CCDC7: variants seen among roughly 807,000 people sequenced by gnomAD.
CCDC7 encodes the protein coiled-coil domain containing 7.
In CCDC7, 183 loss-of-function variants were observed where a neutral mutation model predicts 196.9. The ratio of observed to expected loss-of-function variants is 0.93; its 90% confidence interval spans 0.82 to 1.05. The LOEUF (loss-of-function observed/expected upper bound fraction) is 1.05, where lower values mean the gene tolerates loss of function less well. CCDC7 is among the 50% of genes least tolerant of loss of function. CCDC7 has a pLI of 0.00. For synonymous variants in CCDC7, 525 were observed against 484.6 expected (o/e 1.08, Z -1.10); for missense variants, 1,540 against 1,482.2 (o/e 1.04, Z -0.64).
chr10:32,482,399 A>C (rs1039886208), intron 8 of CCDC7, among the ~76,000 whole-genome samples: 2 of 150,470 alleles, frequency 1.3e-5, no homozygotes, highest in African/African-American at 2.4e-5. Flanking sequence ...ACTTTCTTTA[A>C]GTTTACAGAT....
At chr10:32,512,023 G>A in intron 9 of CCDC7, 1 of 378,288 alleles carries the variant, frequency 2.6e-6, no homozygotes, top group East Asian at 5.3e-5. Flanking sequence ...ATATTCTTCA[G>A]GATCTTGTCA....
intron 24 of CCDC7, among the ~76,000 whole-genome samples, chr10:32,705,919 A>C (rs1426539750): frequency 6.6e-6 from 1 of 152,188 alleles, no homozygotes; most frequent in Non-Finnish European, 1.5e-5. Context: ...ACGAGACAGA[A>C]AGTTAACAAG....
intron 20 of CCDC7, among the ~76,000 whole-genome samples, chr10:32,645,784 G>T (rs1161200476): frequency 6.6e-6 from 1 of 151,924 alleles, no homozygotes; most frequent in Non-Finnish European, 1.5e-5. Flanking sequence ...GTGTGTCCAA[G>T]AATTTATCCA....
At chr10:32,518,542 C>A in intron 11 of CCDC7, 37 bp downstream of exon 12, 3 of 1,508,964 alleles carry the variant, frequency 2.0e-6, no homozygotes, top group Non-Finnish European at 2.7e-6. Context: ...TGGCATACAC[C>A]TAATAAGGCT....
At chr10:32,620,711 T>C (rs1272101555) in intron 18 of CCDC7, among the ~76,000 whole-genome samples, 1 of 152,192 alleles carries the variant, frequency 6.6e-6, no homozygotes, top group Admixed American at 6.5e-5. Flanking sequence ...ATCCTGTGTT[T>C]AGCAGTGTCT....
intron 31 of CCDC7, among the ~76,000 whole-genome samples, chr10:32,818,511 C>A (rs1301199626): frequency 6.6e-6 from 1 of 152,142 alleles, no homozygotes; most frequent in Non-Finnish European, 1.5e-5. Context: ...ACAGAACTCT[C>A]CACCCCAAAT....
chr10:32,872,996 G>GA (rs1364700667), intron 41 of CCDC7, among the ~76,000 whole-genome samples: 1 of 152,040 alleles, frequency 6.6e-6, no homozygotes, highest in Non-Finnish European at 1.5e-5. Context: ...CAACTTTGGT[G>GA]AATCTGACAA....
intron 24 of CCDC7, among the ~76,000 whole-genome samples, chr10:32,707,413 G>C (rs1483876180): frequency 6.6e-6 from 1 of 152,164 alleles, no homozygotes; most frequent in Non-Finnish European, 1.5e-5. Flanking sequence ...ACTGGCACAA[G>C]ACAGGGATGC....
intron 5 of CCDC7, among the ~76,000 whole-genome samples, chr10:32,470,783 T>C (rs1390650211): frequency 2.0e-5 from 3 of 152,204 alleles, no homozygotes; most frequent in African/African-American, 7.2e-5. Flanking sequence ...GTTGCATTTA[T>C]TGTTATTGGA....
intron 29 of CCDC7, among the ~76,000 whole-genome samples, chr10:32,793,585 C>G (rs528221367): frequency 6.6e-6 from 1 of 152,256 alleles, no homozygotes; most frequent in Non-Finnish European, 1.5e-5. Flanking sequence ...ACCACTTTTG[C>G]TGTATCCCAT....
At chr10:32,871,724 T>A (rs1292647878) in intron 41 of CCDC7, among the ~76,000 whole-genome samples, 1 of 152,216 alleles carries the variant, frequency 6.6e-6, no homozygotes, top group Non-Finnish European at 1.5e-5. Flanking sequence ...TCCTGCTTTC[T>A]CTTGTGGGCA....
At chr10:32,532,864 G>T (rs1306359782) in intron 11 of CCDC7, among the ~76,000 whole-genome samples, 1 of 151,910 alleles carries the variant, frequency 6.6e-6, no homozygotes, top group Non-Finnish European at 1.5e-5. Flanking sequence ...TGTGTCTTTA[G>T]GGTTTCTTGG....
intron 41 of CCDC7, among the ~76,000 whole-genome samples, chr10:32,854,950 C>T (rs528821847): frequency 6.6e-6 from 1 of 152,214 alleles, no homozygotes; most frequent in Admixed American, 6.5e-5. Flanking sequence ...GAGGTTGGTG[C>T]ATTAAAGGTA....
At chr10:32,695,087 T>C in intron 24 of CCDC7, 95 bp downstream of exon 25, 1 of 527,826 alleles carries the variant, frequency 1.9e-6, no homozygotes, top group Admixed American at 3.8e-5. Context: ...GAGCATATAG[T>C]TTATGGAAAT....
intron 20 of CCDC7, among the ~76,000 whole-genome samples, chr10:32,648,382 G>T (rs1191854201): frequency 6.6e-6 from 1 of 152,156 alleles, no homozygotes; most frequent in Non-Finnish European, 1.5e-5. Flanking sequence ...GTGTTAGTTT[G>T]ATAGGTATAG....
At chr10:32,544,176 C>A in intron 12 of CCDC7, 71 bp from the exon 14 acceptor site, 3 of 1,295,934 alleles carry the variant, frequency 2.3e-6, no homozygotes, top group South Asian at 1.6e-5. Context: ...TTAAAAAGTC[C>A]TCCTCAAGAA....
intron 18 of CCDC7, among the ~76,000 whole-genome samples, chr10:32,620,570 T>A (rs1255928904): frequency 6.6e-6 from 1 of 152,148 alleles, no homozygotes; most frequent in Non-Finnish European, 1.5e-5. Flanking sequence ...AATTTTGGTA[T>A]TTTTGTGAAT....
intron 20 of CCDC7, among the ~76,000 whole-genome samples, chr10:32,657,228 A>G (rs1174179057): frequency 1.3e-5 from 2 of 152,210 alleles, no homozygotes; most frequent in East Asian, 3.9e-4. Flanking sequence ...TCTGGAGGAC[A>G]GTGGCCCTCT....
chr10:32,470,928 T>C, intron 5 of CCDC7, 136 bp from the exon 7 acceptor site: 1 of 759,526 alleles, frequency 1.3e-6, no homozygotes, highest in South Asian at 2.6e-5. Context: ...AAATATTGTA[T>C]CATTACTTGG....
Sources: gnomAD v4.1 joint callset for allele counts (sites outside exome capture counted in the v4.1 genomes callset) on GRCh38, gnomAD v4.1.1 for gene constraint, MANE v1.5 for transcripts, NCBI Gene and HGNC (gene_info 2026-07-23, HGNC 2026-07-21) for gene names.